The following ASTN2 variants were observed in gnomAD, a reference collection of about 807,000 sequenced individuals.
The protein encoded by ASTN2 is astrotactin 2, also known as astrotactin-2.
In ASTN2, 54 loss-of-function variants were observed where a neutral mutation model predicts 139.8. That is an observed-to-expected ratio of 0.39 (90% CI 0.31 to 0.48). The LOEUF (loss-of-function observed/expected upper bound fraction) is 0.48. Ranked by LOEUF, ASTN2 falls within the 20% of genes least tolerant of loss-of-function variation. The pLI is 0.95. For synonymous variants in ASTN2, 756 were observed against 719.5 expected (o/e 1.05, Z -0.81); for missense variants, 1,565 against 1,725.1 (o/e 0.91, Z 1.64).
chr9:117,220,386 T>C (rs1268177031), intron 2 of ASTN2, among the ~76,000 whole-genome samples: 1 of 152,090 alleles, frequency 6.6e-6, no homozygotes, highest in African/African-American at 2.4e-5. Flanking sequence ...TCTTCTGCAC[T>C]CTCTATCCCC....
chr9:116,916,223 A>C (rs552948749), intron 10 of ASTN2, among the ~76,000 whole-genome samples: 2 of 152,260 alleles, frequency 1.3e-5, no homozygotes, highest in East Asian at 1.9e-4. Context: ...TGAATGGCCC[A>C]CCATCAGTGA....
At chr9:116,717,495 C>T (rs2165554) in intron 16 of ASTN2, among the ~76,000 whole-genome samples, 51,102 of 151,942 alleles carry the variant, frequency 0.34, 9,560 homozygotes, top group Admixed American at 0.47. Context: ...TGCAAGAAAA[C>T]GCTTCCCTAG....
intron 7 of ASTN2, among the ~76,000 whole-genome samples, chr9:116,993,695 G>A (rs1836925182): frequency 6.8e-6 from 1 of 147,362 alleles, no homozygotes. Flanking sequence ...TAAATAGCAT[G>A]ATAAAGTGTA....
At chr9:116,517,204 G>T (rs368785784) in intron 19 of ASTN2, among the ~76,000 whole-genome samples, 3 of 152,160 alleles carry the variant, frequency 2.0e-5, no homozygotes, top group Non-Finnish European at 2.9e-5. Context: ...GGAAGCCAAC[G>T]AATACAAACC....
chr9:116,948,783 G>GTGTTTTTTTTTTT (rs1564355549), intron 10 of ASTN2, among the ~76,000 whole-genome samples: 1 of 49,402 alleles, frequency 2.0e-5, no homozygotes, highest in African/African-American at 1.1e-4. Flanking sequence ...AAATAATTTG[G>GTGTTTTTTTTTTT]TGTTTTTTTT....
intron 1 of ASTN2, among the ~76,000 whole-genome samples, chr9:117,360,918 C>G (rs1829674767): frequency 6.6e-6 from 1 of 152,116 alleles, no homozygotes; most frequent in African/African-American, 2.4e-5. Flanking sequence ...TTTTTTTCCC[C>G]CTTCCACATT....
intron 20 of ASTN2, among the ~76,000 whole-genome samples, chr9:116,481,426 G>T (rs1225712953): frequency 6.6e-6 from 1 of 152,134 alleles, no homozygotes; most frequent in Non-Finnish European, 1.5e-5. Flanking sequence ...GAGAGGTGAA[G>T]AAACTTGCCC....
intron 11 of ASTN2, among the ~76,000 whole-genome samples, chr9:116,834,668 G>A (rs1831929773): frequency 6.6e-6 from 1 of 152,150 alleles, no homozygotes; most frequent in African/African-American, 2.4e-5. Flanking sequence ...ATCATTATAA[G>A]CAATGTGAAT....
At chr9:116,455,222 G>A (rs1306726072) in intron 20 of ASTN2, among the ~76,000 whole-genome samples, 2 of 151,740 alleles carry the variant, frequency 1.3e-5, no homozygotes, top group Non-Finnish European at 2.9e-5. Context: ...GGTGACGCAC[G>A]TCTGTAATCC....
chr9:117,161,922 A>G (rs987170854), intron 3 of ASTN2, among the ~76,000 whole-genome samples: 3 of 151,850 alleles, frequency 2.0e-5, no homozygotes, highest in Non-Finnish European at 2.9e-5. Context: ...ATATTAGTTG[A>G]TTTCTATAAT....
chr9:116,824,853 C>G (rs930184808), intron 11 of ASTN2, among the ~76,000 whole-genome samples: 2 of 152,138 alleles, frequency 1.3e-5, no homozygotes, highest in African/African-American at 4.8e-5. Context: ...ATATACACAT[C>G]TATCAGAGAA....
chr9:117,406,369 C>T (rs937213043), intron 1 of ASTN2, among the ~76,000 whole-genome samples: 3 of 152,148 alleles, frequency 2.0e-5, no homozygotes, highest in Non-Finnish European at 2.9e-5. Context: ...CACTGTTTTG[C>T]TTAAAATTCT....
chr9:116,725,762 C>T lies in ASTN2; in HGVS notation c.2806+9G>A, dbSNP rs144449277. The T allele has an allele frequency of 4.8e-4, 778 of 1,611,174 alleles. 1 individual carries two copies. In the Middle Eastern group the frequency reaches 5.8e-3, roughly 12 times the overall value. On this transcript the variant is annotated intron_variant, in intron 16 of 22. Coordinates refer to ENST00000313400, the MANE Select transcript of ASTN2 (RefSeq NM_001365068.1). ...TGGCCACCTCCTACAGTAGGCACTC[C>T]GGGCTTACCTTTCTGATACTGGAGC...
At chr9:116,973,846 C>T (rs1836275160) in intron 10 of ASTN2, among the ~76,000 whole-genome samples, 1 of 152,118 alleles carries the variant, frequency 6.6e-6, no homozygotes, top group African/African-American at 2.4e-5. Flanking sequence ...TAAATCTATT[C>T]TTTTTAAAAC....
intron 1 of ASTN2, among the ~76,000 whole-genome samples, chr9:117,373,575 A>T (rs1438906343): frequency 6.6e-6 from 1 of 152,194 alleles, no homozygotes; most frequent in Admixed American, 6.5e-5. Flanking sequence ...GGGAAATGTG[A>T]TTATAGAGAT....
intron 19 of ASTN2, among the ~76,000 whole-genome samples, chr9:116,546,326 T>A (rs1224629792): frequency 6.6e-6 from 1 of 152,094 alleles, no homozygotes; most frequent in African/African-American, 2.4e-5. Flanking sequence ...TATTTAACCC[T>A]CCCAGCAAGC....
chr9:117,004,517 C>A (rs1404453465), intron 7 of ASTN2, among the ~76,000 whole-genome samples: 1 of 152,130 alleles, frequency 6.6e-6, no homozygotes, highest in Non-Finnish European at 1.5e-5. Flanking sequence ...CATGGCCCTA[C>A]CTGGCAGAGA....
chr9:116,803,397 C>T (rs991857054), intron 13 of ASTN2, among the ~76,000 whole-genome samples: 1 of 145,350 alleles, frequency 6.9e-6, no homozygotes, highest in African/African-American at 2.5e-5. Context: ...CTCACTGTAA[C>T]CTTGAATGGC....
chr9:116,930,684 G>T (rs1476636041), intron 10 of ASTN2, among the ~76,000 whole-genome samples: 2 of 152,116 alleles, frequency 1.3e-5, no homozygotes, highest in Non-Finnish European at 2.9e-5. Context: ...CAGTAGAAGG[G>T]CAGGGAAGGG....
Sources: gnomAD v4.1 joint callset for allele counts (sites outside exome capture counted in the v4.1 genomes callset) on GRCh38, gnomAD v4.1.1 for gene constraint, MANE v1.5 for transcripts, NCBI Gene and HGNC (gene_info 2026-07-23, HGNC 2026-07-21) for gene names.